The following ATP10A variants were observed in gnomAD, a reference collection of about 807,000 sequenced individuals.
The protein encoded by ATP10A is phospholipid-transporting ATPase VA.
Under a neutral mutation model 147.8 loss-of-function variants are expected in ATP10A, and 111 were observed. The observed-to-expected ratio is 0.75, with a 90% CI of 0.64 to 0.88. The LOEUF (loss-of-function observed/expected upper bound fraction) is 0.88. ATP10A is among the 40% of genes least tolerant of loss of function. The pLI is 0.00. For missense variants in ATP10A, 1,927 were observed against 1,959.0 expected (o/e 0.98, Z 0.31); for synonymous variants, 875 against 841.6 (o/e 1.04, Z -0.69).
intron 2 of ATP10A, among the ~76,000 whole-genome samples, chr15:25,737,550 C>CCCAT (rs1887354604): frequency 6.6e-6 from 1 of 152,094 alleles, no homozygotes; most frequent in African/African-American, 2.4e-5. Flanking sequence ...GGGGAGTGTG[C>CCCAT]GCAGGGGAGG....
intron 14 of ATP10A, among the ~76,000 whole-genome samples, chr15:25,693,209 G>A (rs1900130188): frequency 1.3e-5 from 2 of 151,984 alleles, no homozygotes; most frequent in Admixed American, 6.6e-5. Context: ...TTTTTGTAGA[G>A]ATGGGGACTC....
chr15:25,828,593 G>A (rs1397986134), intron 1 of ATP10A, among the ~76,000 whole-genome samples: 4 of 152,088 alleles, frequency 2.6e-5, no homozygotes, highest in African/African-American at 4.8e-5. Context: ...TGAGATGAAC[G>A]CAAACAAAAA....
Position 25,862,832 on chromosome 15 carries a change from C to G in ATP10A, c.265G>C (p.Val89Leu). The G allele has an allele frequency of 6.2e-7, 1 of 1,609,768 alleles. No homozygotes were observed. Among genetic ancestry groups the G allele is most frequent in the Non-Finnish European group, 8.5e-7 (1 of 1,178,066 alleles). The change falls in exon 1 of 21, where the codon GTG (valine) becomes CTG (leucine). Residue 89 changes from valine (V) to leucine (L), a missense_variant. By Grantham distance (32) the Val-to-Leu change is conservative. Transcript: ENST00000555815. Reference protein sequence around the residue: ...LFEQFHRPANVYFVFIALLNF... With the variant: ...LFEQFHRPANLYFVFIALLNF... The stretch of plus-strand genomic sequence containing the variant: ...AGCAGCGCGATGAAGACAAAGTACA[C>G]GTTGGCCGGGCGGTGGAACTGCTCG...
At position 25,782,047 on chromosome 15, in the gene ATP10A, G is replaced by C. The variant is rs1014286905; in HGVS notation, c.450-824C>G. On this transcript the variant is annotated intron_variant, in intron 1 of 20. Transcript: ENST00000555815. ...ATCACTCAGAATTGCTAGGAGGTAG[G>C]ATAATCCATGTATCCATGAACAGGT... Among the ~76,000 whole-genome samples, 4 of 152,198 alleles carry C rather than the reference G, an allele frequency of 2.6e-5. No individual in the cohort carries two copies. In the East Asian group the frequency reaches 7.7e-4, roughly 29 times the overall value.
rs775439063 is a variant in ATP10A at position 25,793,816 on chromosome 15, G to A, written c.450-12593C>T. On this transcript the variant is annotated intron_variant, in intron 1 of 20. Coordinates refer to ENST00000555815, the MANE Select transcript of ATP10A (RefSeq NM_024490.4). Reference sequence around the variant, plus strand: ...GCATCCAGTCGCCTTTGCATGCACAGTTGACCTCTTTTCCACTGGAGGCCC... The same window carrying A: ...GCATCCAGTCGCCTTTGCATGCACAATTGACCTCTTTTCCACTGGAGGCCC... Among the ~76,000 whole-genome samples, 186 of 152,328 alleles carry A rather than the reference G, an allele frequency of 1.2e-3. 1 individual carries two copies. Among genetic ancestry groups the A allele is most frequent in the Middle Eastern group, 6.8e-3 (2 of 294 alleles).
chr15:25,718,959 G>A (rs1216706436), intron 7 of ATP10A, among the ~76,000 whole-genome samples: 2 of 152,184 alleles, frequency 1.3e-5, no homozygotes, highest in Non-Finnish European at 1.5e-5. Flanking sequence ...CATCCAAGAT[G>A]ATCTTGACTG....
At chr15:25,777,602 C>T (rs1596867226) in intron 2 of ATP10A, among the ~76,000 whole-genome samples, 1 of 151,184 alleles carries the variant, frequency 6.6e-6, no homozygotes, top group Admixed American at 6.6e-5. Flanking sequence ...CAGCTATTCC[C>T]ATATATATAT....
At chr15:25,770,950 T>C (rs1345306788) in intron 2 of ATP10A, among the ~76,000 whole-genome samples, 1 of 152,182 alleles carries the variant, frequency 6.6e-6, no homozygotes, top group Non-Finnish European at 1.5e-5. Flanking sequence ...GCACAGGGGA[T>C]TGAGGCCCTG....
chr15:25,747,576 A>G (rs1310524026), intron 2 of ATP10A, among the ~76,000 whole-genome samples: 7 of 152,148 alleles, frequency 4.6e-5, no homozygotes, highest in Non-Finnish European at 8.8e-5. Flanking sequence ...TCCTACATAC[A>G]TCAACAGGTT....
At chr15:25,845,322 T>TG (rs1892969500) in intron 1 of ATP10A, among the ~76,000 whole-genome samples, 2 of 141,604 alleles carry the variant, frequency 1.4e-5, no homozygotes, top group East Asian at 4.3e-4. Context: ...GTTTGTGTGT[T>TG]TGTGTGTGTG....
At chr15:25,840,120 A>G (rs928875270) in intron 1 of ATP10A, among the ~76,000 whole-genome samples, 2 of 151,996 alleles carry the variant, frequency 1.3e-5, no homozygotes, top group African/African-American at 4.8e-5. Context: ...TATTTCACAA[A>G]TGTTCTATAA....
chr15:25,729,441 G>C (rs545858124), intron 3 of ATP10A, among the ~76,000 whole-genome samples: 1 of 152,332 alleles, frequency 6.6e-6, no homozygotes, highest in South Asian at 2.1e-4. Flanking sequence ...TCAGGCGTCT[G>C]CATTTCTCTG....
At chr15:25,743,397 G>A (rs1398852369) in intron 2 of ATP10A, among the ~76,000 whole-genome samples, 1 of 152,224 alleles carries the variant, frequency 6.6e-6, no homozygotes, top group East Asian at 1.9e-4. Context: ...GGCAAACAGA[G>A]ATGCTGGACA....
intron 2 of ATP10A, among the ~76,000 whole-genome samples, chr15:25,765,694 C>T (rs1888981976): frequency 6.6e-6 from 1 of 152,242 alleles, no homozygotes; most frequent in Admixed American, 6.5e-5. Context: ...TCCAGCCTCA[C>T]CTTAATTCTT....
chr15:25,773,235 A>G (rs1226486582), intron 2 of ATP10A, among the ~76,000 whole-genome samples: 1 of 152,196 alleles, frequency 6.6e-6, no homozygotes, highest in Non-Finnish European at 1.5e-5. Flanking sequence ...GTGAGAACCA[A>G]AATACAGCCT....
chr15:25,750,256 A>G (rs1888074734), intron 2 of ATP10A, among the ~76,000 whole-genome samples: 2 of 152,272 alleles, frequency 1.3e-5, no homozygotes, highest in East Asian at 3.9e-4. Context: ...TTCATTACAA[A>G]CAATGCAAGC....
rs202137938 is a variant in ATP10A at position 25,701,951 on chromosome 15, C to A, written c.2725G>T (p.Asp909Tyr). 5.6e-6 allele frequency: 9 copies of A among 1,612,094 alleles called. No individual in the cohort carries two copies. The highest frequency in any genetic ancestry group is 7.6e-6 in the Non-Finnish European group (9 of 1,179,152). The stretch of plus-strand genomic sequence containing the variant: ...GCATTCAGGGTGATGACCTCCTCGT[C>A]GTGGTCCAGCAGTTTGCAGGCATAT... ...IAYACKLLDHDEEVITLNATS... is the reference protein window; with the variant it reads ...IAYACKLLDHYEEVITLNATS... Residue 909 changes from aspartate (D) to tyrosine (Y), a missense_variant, in exon 13 of 21, where the codon GAC (aspartate) becomes TAC (tyrosine). Transcript: ENST00000555815.
Position 25,694,977 on chromosome 15 carries a change from C to G in ATP10A, c.2930G>C (p.Arg977Thr). The G allele has an allele frequency of 6.2e-7, 1 of 1,614,218 alleles. No homozygotes were observed. Among genetic ancestry groups the G allele is most frequent in the Non-Finnish European group, 8.5e-7 (1 of 1,180,036 alleles). The change falls in exon 14 of 21, where the codon AGA (arginine) becomes ACA (threonine). Residue 977 changes from arginine to threonine, a missense_variant. Coordinates refer to ENST00000555815, the MANE Select transcript of ATP10A (RefSeq NM_024490.4). ...TTTCTCGAGAGCGTAGGCCAGGCTT[C>G]TCCCATCGATCACGAGGCTGGGTCT... is the stretch of plus-strand genomic sequence containing the variant. ...GRRPSLVIDG[R>T]SLAYALEKNL...
At chr15:25,726,154 G>T in intron 4 of ATP10A, 72 bp from the exon 5 acceptor site, 2 of 1,542,040 alleles carry the variant, frequency 1.3e-6, no homozygotes, top group Middle Eastern at 1.7e-4. Context: ...GGATGGCGTG[G>T]AGGGAATTCC....
Sources: gnomAD v4.1 joint callset for allele counts (sites outside exome capture counted in the v4.1 genomes callset) on GRCh38, gnomAD v4.1.1 for gene constraint, MANE v1.5 for transcripts, NCBI Gene and HGNC (gene_info 2026-07-23, HGNC 2026-07-21) for gene names.